Variants in EFCAB7 observed in about 807,000 individuals in gnomAD.
EFCAB7 encodes the protein EF-hand calcium binding domain 7.
A neutral mutation model predicts 77.1 loss-of-function variants in EFCAB7; 66 were observed. The observed-to-expected ratio is 0.86, with a 90% CI of 0.70 to 1.05. The LOEUF (loss-of-function observed/expected upper bound fraction) is 1.05. EFCAB7 is among the 50% of genes least tolerant of loss of function. EFCAB7 has a pLI of 0.00. For synonymous variants in EFCAB7, 225 were observed against 243.3 expected (o/e 0.92, Z 0.70); for missense variants, 638 against 730.5 (o/e 0.87, Z 1.46).
At chr1:63,571,185 C>G (rs1349676863) in intron 13 of EFCAB7, 57 bp downstream of exon 13, 3 of 1,122,238 alleles carry the variant, frequency 2.7e-6, no homozygotes, top group Non-Finnish European at 3.9e-6. Flanking sequence ...AAAAAATTTG[C>G]TATTAATGCT....
chr1:63,533,998 G>A (rs561954595), intron 5 of EFCAB7, 97 bp from the exon 6 acceptor site: 11 of 1,318,410 alleles, frequency 8.3e-6, no homozygotes, highest in Non-Finnish European at 1.2e-5. Context: ...GAGAATCAAA[G>A]TAATACAGTA....
rs1025904308 is a variant in EFCAB7 at position 63,557,375 on chromosome 1, G to A, written c.1348+128G>A. ...TAGCATTTAGGACAGTTTGAAAGTA[G>A]TATTGTTTGTAGATCATAAAAACTT... On this transcript the variant is annotated intron_variant, in intron 10 of 13. Transcript: ENST00000371088. 11 of 831,706 alleles carry A rather than the reference G, an allele frequency of 1.3e-5. No individual in the cohort carries two copies. In the African/African-American group the frequency reaches 2.0e-4, roughly 15 times the overall value. 51.5% of individuals were successfully genotyped at this position (831,706 alleles called of 1,614,324 possible).
At chr1:63,583,804 A>G in the EFCAB7 span, among the ~76,000 whole-genome samples, 14 of 152,298 alleles carry the variant, frequency 9.2e-5, no homozygotes, top group East Asian at 1.9e-3. Context: ...TGATTATGCT[A>G]CAGAAAAAGC....
chr1:63,562,814 C>T (rs1647125591), intron 11 of EFCAB7, among the ~76,000 whole-genome samples: 2 of 151,830 alleles, frequency 1.3e-5, no homozygotes, highest in Non-Finnish European at 2.9e-5. Context: ...TGTTTATACT[C>T]TTAAAATTAA....
At chr1:63,544,235 G>T (rs571437277) in intron 6 of EFCAB7, among the ~76,000 whole-genome samples, 1 of 152,172 alleles carries the variant, frequency 6.6e-6, no homozygotes, top group Admixed American at 6.5e-5. Context: ...CTCCCAAAGT[G>T]TTGGGGTTAC....
At chr1:63,580,239 G>T in the EFCAB7 span, among the ~76,000 whole-genome samples, 1 of 152,068 alleles carries the variant, frequency 6.6e-6, no homozygotes, top group Non-Finnish European at 1.5e-5. Flanking sequence ...GTTAATTTTT[G>T]TATGAGTTCT....
At position 63,561,782 on chromosome 1, in the gene EFCAB7, T is replaced by C; in HGVS notation, c.1422T>C (p.Asp474=). 6.2e-7 allele frequency: 1 copy of C among 1,609,520 alleles called. No individual in the cohort carries two copies. The highest frequency in any genetic ancestry group is 8.5e-7 in the Non-Finnish European group (1 of 1,176,954). ...FMDLNLMEAN[D]REGDPCDLWV... ...ATTTGAATCTAATGGAAGCTAATGA[T>C]CGAGAAGGAGATCCTTGTGACCTTT... The change falls in exon 11 of 14, where the codon GAT becomes GAC. Residue 474 remains aspartate (D), a synonymous_variant. Transcript: ENST00000371088.
At chr1:63,529,364 T>C (rs1203096547) in intron 2 of EFCAB7, among the ~76,000 whole-genome samples, 2 of 152,150 alleles carry the variant, frequency 1.3e-5, no homozygotes, top group East Asian at 3.9e-4. Context: ...TTATAACCCA[T>C]GAGTTATGGC....
At chr1:63,562,449 TTATATATATATATATATA>T (rs869302346) in intron 11 of EFCAB7, among the ~76,000 whole-genome samples, 22 of 22,468 alleles carry the variant, frequency 9.8e-4, no homozygotes, top group East Asian at 1.7e-3. Context: ...CTTAATTTAT[TTATATATATATATATATA>T]TATATATATA....
intron 7 of EFCAB7, among the ~76,000 whole-genome samples, chr1:63,551,335 G>A (rs1646962101): frequency 6.6e-6 from 1 of 152,258 alleles, no homozygotes. Flanking sequence ...GCTCACGCCT[G>A]TAATCCCAAC....
Position 63,545,977 on chromosome 1 carries a change from G to A in EFCAB7, c.866G>A (p.Ser289Asn). The A allele has an allele frequency of 1.9e-6, 3 of 1,613,830 alleles. No individual in the cohort carries two copies. The highest frequency in any genetic ancestry group is 2.5e-6 in the Non-Finnish European group (3 of 1,179,804). The change falls in exon 7 of 14, where the codon AGT becomes AAT. Residue 289 changes from serine (S) to asparagine (N), a missense_variant. Physicochemically the swap from Ser to Asn is conservative, Grantham distance 46. Coordinates refer to ENST00000371088, the MANE Select transcript of EFCAB7 (RefSeq NM_032437.4). Reference protein sequence around the residue: ...FFLEEDGEIISHQYRMQIAQR... With the variant: ...FFLEEDGEIINHQYRMQIAQR... Reference sequence around the variant, plus strand: ...TTAGAAGAAGATGGTGAAATCATTAGTCATCAGTACAGGATGCAAATAGCT... The same window carrying A: ...TTAGAAGAAGATGGTGAAATCATTAATCATCAGTACAGGATGCAAATAGCT...
chr1:63,561,498 G>A (rs915008277), intron 10 of EFCAB7, among the ~76,000 whole-genome samples: 3 of 152,060 alleles, frequency 2.0e-5, no homozygotes, highest in Non-Finnish European at 2.9e-5. Flanking sequence ...ATGAAATTGT[G>A]TACTACGATA....
At chr1:63,567,544 G>A (rs907646442) in intron 11 of EFCAB7, among the ~76,000 whole-genome samples, 2 of 152,114 alleles carry the variant, frequency 1.3e-5, no homozygotes, top group African/African-American at 2.4e-5. Flanking sequence ...GGGAGATTGG[G>A]GGGCCAGAGC....
chr1:63,533,274 C>A (rs916669220), intron 4 of EFCAB7, among the ~76,000 whole-genome samples, 180 bp from the exon 5 acceptor site: 2 of 152,134 alleles, frequency 1.3e-5, no homozygotes, highest in Non-Finnish European at 2.9e-5. Flanking sequence ...ATCACGGCTA[C>A]ATTTCACTAG....
At chr1:63,576,490 CAACAAAAA>C (rs1279064481), downstream of EFCAB7, among the ~76,000 whole-genome samples, 1 of 150,060 alleles carries the variant, frequency 6.7e-6, no homozygotes, top group Non-Finnish European at 1.5e-5. Flanking sequence ...AAAACAACAA[CAACAAAAA>C]AACAAAAAAT....
At chr1:63,579,284 TG>T in the EFCAB7 span, among the ~76,000 whole-genome samples, 1 of 152,240 alleles carries the variant, frequency 6.6e-6, no homozygotes, top group Non-Finnish European at 1.5e-5. Flanking sequence ...ACTATAGTTT[TG>T]TTTTTGAGAA....
At chr1:63,532,647 T>C in intron 3 of EFCAB7, 23 bp from the exon 4 acceptor site, 1 of 1,568,220 alleles carries the variant, frequency 6.4e-7, no homozygotes. Flanking sequence ...TGCTTTAAAA[T>C]AAATCTTGTT....
In EFCAB7 at chr1:63,533,499, A is replaced by G. The variant is rs1646726018; in HGVS notation, c.532A>G (p.Thr178Ala). The change falls in exon 5 of 14, where the codon ACA becomes GCA. Residue 178 changes from threonine to alanine, a missense_variant. Coordinates refer to ENST00000371088, the MANE Select transcript of EFCAB7 (RefSeq NM_032437.4). ...AACCAACGAGCAATGTCTCAAGACTACACTAGAAAAACTAGAGGTTGACAG... is the reference window on the plus strand; with the variant it reads ...AACCAACGAGCAATGTCTCAAGACTGCACTAGAAAAACTAGAGGTTGACAG... ...MTTNEQCLKTTLEKLEVDSKL... is the reference protein window; with the variant it reads ...MTTNEQCLKTALEKLEVDSKL... 1.2e-6 allele frequency: 2 copies of G among 1,611,234 alleles called. No individual in the cohort carries two copies. Among genetic ancestry groups the G allele is most frequent in the East Asian group, 4.5e-5 (2 of 44,836 alleles).
intron 2 of EFCAB7, among the ~76,000 whole-genome samples, chr1:63,526,355 A>G (rs1646589705): frequency 6.6e-6 from 1 of 152,184 alleles, no homozygotes; most frequent in Non-Finnish European, 1.5e-5. Flanking sequence ...TTTAGTCATG[A>G]GAGAGTAGTA....
Sources: allele counts gnomAD v4.1 joint callset (sites outside exome capture counted in the v4.1 genomes callset), GRCh38; gene constraint gnomAD v4.1.1; transcripts MANE v1.5; gene names NCBI Gene and HGNC (gene_info 2026-07-23, HGNC 2026-07-21).